Variants in LDLRAD4 observed in about 807,000 individuals in gnomAD.
The protein encoded by LDLRAD4 is low-density lipoprotein receptor class A domain-containing protein 4.
LDLRAD4 carries 5 observed loss-of-function variants against 17.0 expected under a neutral mutation model. The observed-to-expected ratio is 0.29, with a 90% CI of 0.15 to 0.62. The LOEUF (loss-of-function observed/expected upper bound fraction) is 0.62, where lower values mean the gene tolerates loss of function less well. Ranked by LOEUF, LDLRAD4 falls within the 20% of genes least tolerant of loss-of-function variation. LDLRAD4 has a pLI of 0.84. For missense variants in LDLRAD4, 340 were observed against 424.7 expected (o/e 0.80, Z 1.75); for synonymous variants, 168 against 171.8 (o/e 0.98, Z 0.17).
At chr18:13,391,661 C>T (rs897876523) in intron 2 of LDLRAD4, among the ~76,000 whole-genome samples, 1 of 142,726 alleles carries the variant, frequency 7.0e-6, no homozygotes, top group Non-Finnish European at 1.5e-5. Context: ...TAAGCAAACT[C>T]GGAAAGCGCA....
chr18:13,544,601 C>T (rs999735185), intron 3 of LDLRAD4, among the ~76,000 whole-genome samples: 1 of 152,156 alleles, frequency 6.6e-6, no homozygotes, highest in Non-Finnish European at 1.5e-5. Flanking sequence ...AAGCGGAGTT[C>T]GTGTGGGAGA....
At chr18:13,651,724 A>G (rs2043255037) in exon 6 of LDLRAD4, 1 of 152,180 alleles carries the variant, frequency 6.6e-6, no homozygotes, top group African/African-American at 2.4e-5. Context: ...TGTCCATAAG[A>G]GCAGTTCGTG....
chr18:13,354,180 A>G (rs754653257), intron 1 of LDLRAD4, among the ~76,000 whole-genome samples: 10 of 152,232 alleles, frequency 6.6e-5, no homozygotes, highest in African/African-American at 9.6e-5. Context: ...GTGAGTAGCC[A>G]TTGCCCTCCA....
chr18:13,436,802 C>T (rs559200882), intron 2 of LDLRAD4, among the ~76,000 whole-genome samples: 12 of 152,366 alleles, frequency 7.9e-5, no homozygotes, highest in East Asian at 1.9e-4. Context: ...ACCTGGATGG[C>T]GCCGCTAGCG....
rs181206968 is a variant in LDLRAD4 at position 13,225,867 on chromosome 18, A to G, written c.-467+6879A>G. Among the ~76,000 whole-genome samples the G allele has an allele frequency of 6.6e-5, 10 of 152,126 alleles. No homozygotes were observed. In the South Asian group the frequency reaches 1.0e-3, roughly 16 times the overall value. ...GATTTAAATATTCTCCAAAAATCCTACTTCTAGATTGTATAATATTCTATT... is the reference window on the plus strand; with the variant it reads ...GATTTAAATATTCTCCAAAAATCCTGCTTCTAGATTGTATAATATTCTATT... On this transcript the variant is annotated intron_variant, in intron 1 of 5. Coordinates refer to the LDLRAD4 transcript ENST00000399848.
upstream of LDLRAD4, among the ~76,000 whole-genome samples, chr18:13,275,039 C>CAA (rs11396175): frequency 7.2e-4 from 93 of 129,434 alleles, 1 homozygote; most frequent in African/African-American, 2.1e-3. Context: ...GACCCTGTTT[C>CAA]AAAAAAAAAA....
At chr18:13,502,804 A>G (rs1441964221) in intron 3 of LDLRAD4, among the ~76,000 whole-genome samples, 1 of 152,234 alleles carries the variant, frequency 6.6e-6, no homozygotes, top group Non-Finnish European at 1.5e-5. Context: ...CTCCTGAGCC[A>G]TCCTCAGAGC....
At chr18:13,264,429 G>T (rs1466035327) in intron 1 of LDLRAD4, among the ~76,000 whole-genome samples, 1 of 152,264 alleles carries the variant, frequency 6.6e-6, no homozygotes, top group Non-Finnish European at 1.5e-5. Flanking sequence ...TGCTTAGAAA[G>T]CCAGGAACGA....
chr18:13,643,403 C>A (rs751269512), exon 5 of LDLRAD4: 3 of 1,285,726 alleles, frequency 2.3e-6, no homozygotes, highest in Middle Eastern at 2.0e-4. Flanking sequence ...CGCGGCTGGG[C>A]GCCTCGGAGG....
chr18:13,586,565 A>G (rs1441438625), intron 3 of LDLRAD4, among the ~76,000 whole-genome samples: 2 of 152,022 alleles, frequency 1.3e-5, no homozygotes, highest in African/African-American at 4.8e-5. Flanking sequence ...ACACACATCC[A>G]TATATACAAG....
chr18:13,386,516 C>T (rs2085814832), intron 1 of LDLRAD4, among the ~76,000 whole-genome samples: 1 of 152,012 alleles, frequency 6.6e-6, no homozygotes, highest in Non-Finnish European at 1.5e-5. Flanking sequence ...TACAGGCATA[C>T]ACCACCACAC....
intron 4 of LDLRAD4, among the ~76,000 whole-genome samples, chr18:13,635,581 G>A (rs2042007502): frequency 6.6e-6 from 1 of 152,194 alleles, no homozygotes; most frequent in Admixed American, 6.5e-5. Context: ...TTGGTGTCAA[G>A]CAGATTGAAT....
chr18:13,609,732 A>G (rs1456843267), intron 3 of LDLRAD4, among the ~76,000 whole-genome samples: 1 of 152,188 alleles, frequency 6.6e-6, no homozygotes, highest in Non-Finnish European at 1.5e-5. Context: ...CAGAACTCTG[A>G]GAAGCCGAAG....
rs138933960 is a variant in LDLRAD4 at position 13,559,600 on chromosome 18, A to G, written c.182-61517A>G. 5.6e-4 allele frequency among the ~76,000 whole-genome samples: 86 copies of G among 152,370 alleles called. 1 individual carries two copies. In the East Asian group the frequency reaches 0.013, roughly 24 times the overall value. ...AAATAGCTTACATGTATATATACATATAGAAATGCAAGTATATCTGTGTAC... is the reference window on the plus strand; with the variant it reads ...AAATAGCTTACATGTATATATACATGTAGAAATGCAAGTATATCTGTGTAC... On this transcript the variant is annotated intron_variant, in intron 3 of 5. Coordinates refer to ENST00000359446, the Ensembl canonical transcript of LDLRAD4.
chr18:13,383,374 C>T (rs184626932), intron 1 of LDLRAD4, among the ~76,000 whole-genome samples: 91 of 152,210 alleles, frequency 6.0e-4, no homozygotes, highest in Middle Eastern at 3.4e-3. Context: ...CGTGTGGAGT[C>T]GCAACTGCAG....
chr18:13,256,369 G>A (rs888436136), intron 1 of LDLRAD4, among the ~76,000 whole-genome samples: 1 of 152,088 alleles, frequency 6.6e-6, no homozygotes, highest in African/African-American at 2.4e-5. Context: ...ACCCTCCTGG[G>A]GTCACAGATC....
chr18:13,639,912 A>T lies in LDLRAD4; in HGVS notation c.337-3447A>T, dbSNP rs989885397. 3.3e-5 allele frequency among the ~76,000 whole-genome samples: 5 copies of T among 152,310 alleles called. No homozygotes were observed. The South Asian group carries it at 1.0e-3, about 32-fold the overall frequency. ...TTATGTTATACTCTGTGAAGAAGAG[A>T]ATACACAACTCTGGCCACATTATGG... On this transcript the variant is annotated intron_variant, in intron 4 of 5. Coordinates refer to ENST00000359446, the Ensembl canonical transcript of LDLRAD4.
At chr18:13,344,476 G>T (rs1426701802) in intron 1 of LDLRAD4, among the ~76,000 whole-genome samples, 1 of 151,244 alleles carries the variant, frequency 6.6e-6, no homozygotes, top group Non-Finnish European at 1.5e-5. Context: ...TGCTGTTTTG[G>T]TTACTGTAGC....
intron 3 of LDLRAD4, among the ~76,000 whole-genome samples, chr18:13,551,150 C>A (rs905877580): frequency 3.3e-5 from 5 of 152,194 alleles, no homozygotes; most frequent in African/African-American, 1.2e-4. Flanking sequence ...GACTTCACCT[C>A]CAACGGCCAC....
Sources: allele counts gnomAD v4.1 joint callset (sites outside exome capture counted in the v4.1 genomes callset), GRCh38; gene constraint gnomAD v4.1.1; transcripts MANE v1.5; gene names NCBI Gene and HGNC (gene_info 2026-07-23, HGNC 2026-07-21).